Variants in DOCK4 observed in about 807,000 individuals in gnomAD.
DOCK4 encodes dedicator of cytokinesis 4.
A neutral mutation model predicts 268.1 loss-of-function variants in DOCK4; 97 were observed. That is an observed-to-expected ratio of 0.36 (90% CI 0.31 to 0.43). The LOEUF (loss-of-function observed/expected upper bound fraction) is 0.43, where lower values mean the gene tolerates loss of function less well. Among genes scored for constraint, DOCK4 ranks in the 20% least tolerant of loss-of-function variants. DOCK4 has a pLI of 1.00. For missense variants in DOCK4, 2,145 were observed against 2,455.7 expected, an observed-to-expected ratio of 0.87 and a Z score of 2.67; for synonymous variants, 954 against 887.2, an observed-to-expected ratio of 1.08 and a Z score of -1.34.
At chr7:111,737,158 G>A (rs1795560205) in intron 49 of DOCK4, among the ~76,000 whole-genome samples, 169 bp from the exon 50 acceptor site, 1 of 152,058 alleles carries the variant, frequency 6.6e-6, no homozygotes, top group Non-Finnish European at 1.5e-5. Context: ...AAAAGGGGGT[G>A]GGAAGAGCCT....
Position 112,048,545 on chromosome 7 carries a change from G to A in DOCK4, c.38-44414C>T, listed in dbSNP as rs374801179. Among the ~76,000 whole-genome samples, 81 of 150,910 alleles carry A rather than the reference G, an allele frequency of 5.4e-4. No individual in the cohort carries two copies. In the East Asian group the frequency reaches 0.014, roughly 26 times the overall value. ...GCCATTGCACTCCAGCATGGGCGAC[G>A]GAGTGAGACCCCATCTCAAAAAAAC... On this transcript the variant is annotated intron_variant, in intron 1 of 52. Coordinates refer to ENST00000428084, the MANE Select transcript of DOCK4 (RefSeq NM_001363540.2).
At chr7:112,181,895 C>T (rs1032942112) in intron 1 of DOCK4, among the ~76,000 whole-genome samples, 1 of 152,176 alleles carries the variant, frequency 6.6e-6, no homozygotes, top group African/African-American at 2.4e-5. Context: ...AGCCTGGGCA[C>T]CTGTACCCAA....
intron 1 of DOCK4, among the ~76,000 whole-genome samples, chr7:112,098,596 TTAAG>T (rs1048829931): frequency 1.3e-5 from 2 of 149,556 alleles, no homozygotes; most frequent in Non-Finnish European, 3.0e-5. Context: ...ATTATGTAAA[TTAAG>T]TAATTAAGTA....
Position 111,915,897 on chromosome 7 carries a change from T to C in DOCK4, c.1074A>G (p.Ala358=). The C allele has an allele frequency of 1.2e-6, 2 of 1,611,218 alleles. No individual in the cohort carries two copies. Among genetic ancestry groups the C allele is most frequent in the Non-Finnish European group, 8.5e-7 (1 of 1,178,744 alleles). The change falls in exon 13 of 53, where the codon GCA becomes GCG. Residue 358 remains alanine, a synonymous_variant. Transcript: ENST00000428084. The part of the protein sequence containing the change: ...YNLTGSNAGL[A]VSLQLLHGDI... ...CTCCGTGCAATAGCTGTAAGGAAAC[T>C]GCTAAACCTAAAACAGATGAGAGAT...
chr7:112,202,323 C>T (rs1300951528), intron 1 of DOCK4, among the ~76,000 whole-genome samples: 1 of 152,162 alleles, frequency 6.6e-6, no homozygotes, highest in Non-Finnish European at 1.5e-5. Context: ...CACAGCGTTC[C>T]CTTTTCTCTG....
At position 112,206,277 on chromosome 7, in the gene DOCK4, C is replaced by A; in HGVS notation, c.-139G>T. On this transcript the variant is annotated 5_prime_UTR_variant, in exon 1 of 53. Transcript: ENST00000428084. ...GCGGGCTGCGGGCGCTGGGCAGGAT[C>A]TGCGCTGGAGGCTCCCGAGCCCAGC... 1.0e-6 allele frequency: 1 copy of A among 955,856 alleles called. No homozygotes were observed. Among genetic ancestry groups the A allele is most frequent in the Admixed American group, 2.5e-5 (1 of 40,500 alleles). The allele number at this position is 955,856 out of a possible 1,614,324, so 59.2% of individuals were successfully genotyped here.
intron 1 of DOCK4, among the ~76,000 whole-genome samples, chr7:112,195,232 T>C (rs1820314917): frequency 6.6e-6 from 1 of 152,140 alleles, no homozygotes. Context: ...TGAGCCAAAA[T>C]TGTGCCACTG....
At chr7:111,760,360 A>T (rs1797305118) in intron 39 of DOCK4, 38 bp from the exon 40 acceptor site, 1 of 1,595,956 alleles carries the variant, frequency 6.3e-7, no homozygotes, top group African/African-American at 1.3e-5. Context: ...GGGCTATATA[A>T]CTGAGTGGAT....
intron 1 of DOCK4, among the ~76,000 whole-genome samples, chr7:112,085,400 GACATCTA>G (rs138767299): frequency 0.015 from 2,236 of 152,114 alleles, 60 homozygotes; most frequent in African/African-American, 0.05. Context: ...TAGATTGAAA[GACATCTA>G]ATATATAAAA....
intron 26 of DOCK4, among the ~76,000 whole-genome samples, chr7:111,827,155 G>A (rs1220613615): frequency 6.6e-6 from 1 of 152,014 alleles, no homozygotes; most frequent in Non-Finnish European, 1.5e-5. Flanking sequence ...CTTGATGTGA[G>A]GTTTGAATTC....
intron 16 of DOCK4, among the ~76,000 whole-genome samples, chr7:111,891,739 G>T (rs79234000): frequency 0.011 from 1,633 of 152,216 alleles, 34 homozygotes; most frequent in African/African-American, 0.037. Context: ...CCTTAACCTT[G>T]CTCTCCAATT....
intron 49 of DOCK4, among the ~76,000 whole-genome samples, chr7:111,737,547 T>C (rs943386971): frequency 3.3e-5 from 5 of 152,178 alleles, no homozygotes; most frequent in Middle Eastern, 3.2e-3. Flanking sequence ...CCCTGCATGT[T>C]AAAAATCATT....
Position 111,755,505 on chromosome 7 carries a change from T to G in DOCK4, c.4416+10A>C, listed in dbSNP as rs541527773. On this transcript the variant is annotated intron_variant, in intron 42 of 52. Transcript: ENST00000428084. ...TGAGAAAGTGCTTGAGAACAAGCTCTGATCCTTACCACTTCACGCTTTTCC... is the reference window on the plus strand; with the variant it reads ...TGAGAAAGTGCTTGAGAACAAGCTCGGATCCTTACCACTTCACGCTTTTCC... 1.2e-6 allele frequency: 2 copies of G among 1,613,776 alleles called. No homozygotes were observed. Among genetic ancestry groups the G allele is most frequent in the South Asian group, 2.2e-5 (2 of 91,070 alleles).
intron 1 of DOCK4, among the ~76,000 whole-genome samples, chr7:112,204,815 A>G (rs1396421403): frequency 6.6e-6 from 1 of 151,308 alleles, no homozygotes. Context: ...ATTGCAGGAA[A>G]ATGAATTTAG....
At chr7:111,836,788 A>T (rs1330799033) in intron 25 of DOCK4, among the ~76,000 whole-genome samples, 1 of 152,110 alleles carries the variant, frequency 6.6e-6, no homozygotes, top group Non-Finnish European at 1.5e-5. Flanking sequence ...AGAAGAAAAG[A>T]TTATTGAACT....
At chr7:112,086,790 A>G (rs1485896428) in intron 1 of DOCK4, among the ~76,000 whole-genome samples, 1 of 152,160 alleles carries the variant, frequency 6.6e-6, no homozygotes, top group African/African-American at 2.4e-5. Flanking sequence ...GTTGACTCTG[A>G]AGCACATGTA....
At chr7:112,035,230 CGTGGTCA>C (rs756999184) in intron 1 of DOCK4, among the ~76,000 whole-genome samples, 8 of 152,088 alleles carry the variant, frequency 5.3e-5, no homozygotes, top group Admixed American at 3.9e-4. Flanking sequence ...CTCACTTCTG[CGTGGTCA>C]GAGCACACAG....
chr7:112,118,082 G>A (rs950200751), intron 1 of DOCK4, among the ~76,000 whole-genome samples: 46 of 151,828 alleles, frequency 3.0e-4, no homozygotes, highest in Non-Finnish European at 5.4e-4. Context: ...TTATTGAACC[G>A]TCCCCATTTT....
intron 1 of DOCK4, among the ~76,000 whole-genome samples, chr7:112,170,949 A>G (rs10487348): frequency 0.22 from 34,045 of 152,198 alleles, 5,166 homozygotes; most frequent in East Asian, 0.64. Flanking sequence ...AATATAATCC[A>G]GCAATGTGAA....
Sources: gnomAD v4.1 joint callset for allele counts (sites outside exome capture counted in the v4.1 genomes callset) on GRCh38, gnomAD v4.1.1 for gene constraint, MANE v1.5 for transcripts, NCBI Gene and HGNC (gene_info 2026-07-23, HGNC 2026-07-21) for gene names.